Variants in MAGI1 observed in about 807,000 individuals in gnomAD.
MAGI1 encodes membrane-associated guanylate kinase, WW and PDZ domain-containing protein 1.
A neutral mutation model predicts 139.9 loss-of-function variants in MAGI1; 58 were observed. The observed-to-expected ratio is 0.41, with a 90% CI of 0.34 to 0.52. The LOEUF is 0.52. MAGI1 is among the 20% of genes least tolerant of loss of function. MAGI1 has a pLI of 0.12. For missense variants in MAGI1, 1,874 were observed against 1,901.6 expected (o/e 0.99, Z 0.27); for synonymous variants, 812 against 737.9 (o/e 1.10, Z -1.63).
At chr3:65,454,960 T>C (rs1046284739) in intron 5 of MAGI1, among the ~76,000 whole-genome samples, 1 of 152,172 alleles carries the variant, frequency 6.6e-6, no homozygotes, top group Non-Finnish European at 1.5e-5. Context: ...GGTAAAGCAA[T>C]TTGTCTAAGG....
chr3:65,754,521 G>C (rs2036407179), intron 1 of MAGI1, among the ~76,000 whole-genome samples: 1 of 152,112 alleles, frequency 6.6e-6, no homozygotes. Context: ...TATCTTATTA[G>C]ATGTATTTCA....
At chr3:65,697,101 C>T (rs1360577237) in intron 1 of MAGI1, among the ~76,000 whole-genome samples, 2 of 152,156 alleles carry the variant, frequency 1.3e-5, no homozygotes, top group Non-Finnish European at 1.5e-5. Flanking sequence ...AACACCTCTA[C>T]ACAAATAAAC....
intron 5 of MAGI1, among the ~76,000 whole-genome samples, chr3:65,463,861 G>T (rs968326730): frequency 1.6e-4 from 24 of 152,158 alleles, no homozygotes; most frequent in Non-Finnish European, 2.2e-4. Flanking sequence ...TTGGGTGGGT[G>T]TATGTGTCCA....
At chr3:65,491,298 G>C (rs1465700211) in intron 3 of MAGI1, among the ~76,000 whole-genome samples, 4 of 152,122 alleles carry the variant, frequency 2.6e-5, no homozygotes, top group African/African-American at 4.8e-5. Flanking sequence ...ATTCAGTGAA[G>C]ATAATAGCCG....
At chr3:65,619,648 G>A (rs963014836) in intron 2 of MAGI1, among the ~76,000 whole-genome samples, 5 of 152,148 alleles carry the variant, frequency 3.3e-5, no homozygotes, top group Non-Finnish European at 5.9e-5. Context: ...CAACAGGCTG[G>A]TGGAGAGCTT....
intron 1 of MAGI1, among the ~76,000 whole-genome samples, chr3:65,813,270 G>A (rs925039750): frequency 2.6e-5 from 4 of 152,072 alleles, no homozygotes; most frequent in African/African-American, 9.7e-5. Context: ...TGGATTGGGT[G>A]AGGCCTGTAA....
At chr3:65,722,220 G>C (rs919145444) in intron 1 of MAGI1, among the ~76,000 whole-genome samples, 1 of 152,094 alleles carries the variant, frequency 6.6e-6, no homozygotes, top group Non-Finnish European at 1.5e-5. Context: ...CGTGATACAA[G>C]TACTCACCAC....
intron 1 of MAGI1, among the ~76,000 whole-genome samples, chr3:65,785,489 C>A (rs574264654): frequency 6.6e-6 from 1 of 152,142 alleles, no homozygotes; most frequent in African/African-American, 2.4e-5. Flanking sequence ...ACAGAAACTA[C>A]GGATAATGTT....
intron 1 of MAGI1, among the ~76,000 whole-genome samples, chr3:65,809,084 T>C (rs141826373): frequency 0.018 from 2,688 of 152,326 alleles, 25 homozygotes; most frequent in Non-Finnish European, 0.027. Flanking sequence ...CCAATGATTA[T>C]GGTCCACAGG....
chr3:65,874,287 T>C (rs556246809), intron 1 of MAGI1: 1 of 152,080 alleles, frequency 6.6e-6, no homozygotes, highest in Non-Finnish European at 1.5e-5. Flanking sequence ...CTCAAAAAAA[T>C]TTGTTTAAAA....
At chr3:65,363,837 A>T (rs1332403543) in intron 20 of MAGI1, among the ~76,000 whole-genome samples, 1 of 152,212 alleles carries the variant, frequency 6.6e-6, no homozygotes, top group Non-Finnish European at 1.5e-5. Context: ...TGTGGATTAA[A>T]ATTTAATCAG....
intron 1 of MAGI1, among the ~76,000 whole-genome samples, chr3:65,966,400 G>C (rs1576293399): frequency 6.6e-6 from 1 of 152,032 alleles, no homozygotes; most frequent in African/African-American, 2.4e-5. Flanking sequence ...ATAAATAATA[G>C]TTAGGTGCGT....
intron 1 of MAGI1, among the ~76,000 whole-genome samples, chr3:65,623,933 C>T (rs1013059356): frequency 3.3e-5 from 5 of 152,118 alleles, no homozygotes; most frequent in Non-Finnish European, 5.9e-5. Context: ...CACCCACATG[C>T]CACATGAAGC....
chr3:65,917,192 A>G (rs758670803), intron 1 of MAGI1, among the ~76,000 whole-genome samples: 3 of 152,210 alleles, frequency 2.0e-5, no homozygotes, highest in Non-Finnish European at 2.9e-5. Flanking sequence ...TTTCTCCTCT[A>G]TCCTTCTACA....
At chr3:65,512,875 A>G (rs1299387918) in intron 2 of MAGI1, among the ~76,000 whole-genome samples, 5 of 151,720 alleles carry the variant, frequency 3.3e-5, no homozygotes, top group Non-Finnish European at 5.9e-5. Flanking sequence ...TTAGACCAAT[A>G]TCCTTGATGA....
intron 21 of MAGI1, among the ~76,000 whole-genome samples, chr3:65,361,921 G>A (rs1425558137): frequency 1.3e-5 from 2 of 152,164 alleles, no homozygotes; most frequent in Non-Finnish European, 2.9e-5. Flanking sequence ...CCTTCCCCAG[G>A]TGAGACTTCA....
chr3:65,671,723 G>T (rs1334230400), intron 1 of MAGI1, among the ~76,000 whole-genome samples: 1 of 152,070 alleles, frequency 6.6e-6, no homozygotes, highest in African/African-American at 2.4e-5. Flanking sequence ...TCTAGCTACT[G>T]AGTGGGCAAA....
chr3:65,620,059 T>C (rs1576502123), intron 2 of MAGI1: 1 of 898,398 alleles, frequency 1.1e-6, no homozygotes, highest in East Asian at 1.2e-4. Context: ...CACAGTCAGG[T>C]CCAATAAATC....
At chr3:65,870,425 C>T (rs2059898344) in intron 1 of MAGI1, among the ~76,000 whole-genome samples, 1 of 151,948 alleles carries the variant, frequency 6.6e-6, no homozygotes, top group African/African-American at 2.4e-5. Flanking sequence ...ACCTAGAGGG[C>T]AAGGGTGTGT....
Sources: allele counts gnomAD v4.1 joint callset (sites outside exome capture counted in the v4.1 genomes callset), GRCh38; gene constraint gnomAD v4.1.1; transcripts MANE v1.5; gene names NCBI Gene and HGNC (gene_info 2026-07-23, HGNC 2026-07-21).